Variants in ASIC2 observed in about 807,000 individuals in gnomAD.
ASIC2 encodes the protein acid-sensing ion channel 2.
ASIC2 carries 25 observed loss-of-function variants against 57.3 expected under a neutral mutation model. The observed-to-expected ratio is 0.44, with a 90% CI of 0.32 to 0.61. The LOEUF is 0.61. ASIC2 is among the 20% of genes least tolerant of loss of function. The pLI is 0.06. For synonymous variants in ASIC2, 319 were observed against 307.5 expected, an observed-to-expected ratio of 1.04 and a Z score of -0.39; for missense variants, 641 against 738.1, an observed-to-expected ratio of 0.87 and a Z score of 1.52.
intron 1 of ASIC2, among the ~76,000 whole-genome samples, chr17:33,620,840 TTC>T (rs1180013722): frequency 6.6e-6 from 1 of 152,100 alleles, no homozygotes; most frequent in Non-Finnish European, 1.5e-5. Flanking sequence ...TGTGAATCAA[TTC>T]TATGCCCATT....
chr17:33,659,920 T>A (rs1046941397), intron 1 of ASIC2, among the ~76,000 whole-genome samples: 6 of 137,858 alleles, frequency 4.4e-5, no homozygotes, highest in Middle Eastern at 3.8e-3. Flanking sequence ...ATAAATAAAA[T>A]AAAAATAAAA....
At chr17:33,881,964 C>A (rs317357) in intron 1 of ASIC2, among the ~76,000 whole-genome samples, 1 of 152,024 alleles carries the variant, frequency 6.6e-6, no homozygotes, top group Admixed American at 6.6e-5. Flanking sequence ...CCCACATCTA[C>A]AACCATCTGA....
At chr17:33,523,138 T>C (rs2141956290) in intron 1 of ASIC2, among the ~76,000 whole-genome samples, 1 of 152,364 alleles carries the variant, frequency 6.6e-6, no homozygotes, top group East Asian at 1.9e-4. Context: ...AGGACCCTAG[T>C]TCTGAGGTCA....
At chr17:33,149,971 A>G (rs1904721258) in intron 1 of ASIC2, among the ~76,000 whole-genome samples, 1 of 152,180 alleles carries the variant, frequency 6.6e-6, no homozygotes, top group African/African-American at 2.4e-5. Context: ...GTTCATAACA[A>G]TGAATTGGGT....
chr17:33,985,559 A>C (rs939455304), intron 1 of ASIC2, among the ~76,000 whole-genome samples: 1 of 152,216 alleles, frequency 6.6e-6, no homozygotes, highest in Non-Finnish European at 1.5e-5. Context: ...CAGAGGCAAA[A>C]TGTTTGGGAC....
chr17:33,938,997 C>G (rs1567762197), intron 1 of ASIC2, among the ~76,000 whole-genome samples: 1 of 152,212 alleles, frequency 6.6e-6, no homozygotes, highest in Admixed American at 6.5e-5. Context: ...CTTCTGTGGG[C>G]ACTGCCCGGG....
At chr17:33,999,426 G>C (rs2142014346) in intron 1 of ASIC2, among the ~76,000 whole-genome samples, 1 of 152,166 alleles carries the variant, frequency 6.6e-6, no homozygotes, top group Admixed American at 6.5e-5. Flanking sequence ...TTGTTTTGTA[G>C]TTTCTTTGTT....
At chr17:33,079,540 T>C (rs967793423) in intron 3 of ASIC2, among the ~76,000 whole-genome samples, 5 of 152,090 alleles carry the variant, frequency 3.3e-5, no homozygotes, top group Admixed American at 6.5e-5. Flanking sequence ...GACTTCATCC[T>C]GTGGTTCATG....
intron 7 of ASIC2, among the ~76,000 whole-genome samples, chr17:33,020,369 G>A (rs1038767041): frequency 2.6e-5 from 4 of 152,204 alleles, no homozygotes; most frequent in African/African-American, 9.7e-5. Context: ...CTCATAGCTG[G>A]TGTGAGAAGC....
At chr17:33,453,382 A>G (rs1912335954) in intron 1 of ASIC2, among the ~76,000 whole-genome samples, 1 of 151,504 alleles carries the variant, frequency 6.6e-6, no homozygotes. Flanking sequence ...TCTCCTACAT[A>G]TTTTTCTAAG....
chr17:33,620,551 G>A (rs1905759684), intron 1 of ASIC2, among the ~76,000 whole-genome samples: 1 of 152,202 alleles, frequency 6.6e-6, no homozygotes, highest in East Asian at 1.9e-4. Context: ...GACAGCCTGT[G>A]AGAAGTGAAA....
In ASIC2 at chr17:33,691,535, T is replaced by C. The variant is rs1908367912; in HGVS notation, c.555+464443A>G. On this transcript the variant is annotated intron_variant, in intron 1 of 9. Transcript: ENST00000359872. The stretch of plus-strand genomic sequence containing the variant: ...ATATTTTCTTTCTATGAGCTGTAGT[T>C]ATTTCCTTTGCCCATTTTTGAGGAT... 2.0e-5 allele frequency among the ~76,000 whole-genome samples: 3 copies of C among 152,250 alleles called. No individual in the cohort carries two copies. The South Asian group carries it at 6.2e-4, about 32-fold the overall frequency.
At chr17:33,136,790 T>C (rs1270225026) in intron 1 of ASIC2, among the ~76,000 whole-genome samples, 2 of 152,198 alleles carry the variant, frequency 1.3e-5, no homozygotes, top group South Asian at 2.1e-4. Context: ...ATTGTTGGGA[T>C]AGATGGAGAA....
At chr17:33,999,639 TC>T (rs1389218521) in intron 1 of ASIC2, among the ~76,000 whole-genome samples, 3 of 152,186 alleles carry the variant, frequency 2.0e-5, no homozygotes, top group Non-Finnish European at 4.4e-5. Context: ...ATACAAAAAT[TC>T]TTCACTTTGG....
chr17:33,550,608 A>G (rs1794084564), intron 1 of ASIC2, among the ~76,000 whole-genome samples: 2 of 152,234 alleles, frequency 1.3e-5, no homozygotes, highest in African/African-American at 4.8e-5. Flanking sequence ...TATATCACCT[A>G]CTGGCTACTA....
At chr17:33,624,885 A>G (rs567014679) in intron 1 of ASIC2, among the ~76,000 whole-genome samples, 3 of 152,318 alleles carry the variant, frequency 2.0e-5, no homozygotes, top group East Asian at 3.9e-4. Context: ...AGAACATTCT[A>G]TATGTCAAGA....
intron 1 of ASIC2, among the ~76,000 whole-genome samples, chr17:34,015,097 C>T (rs1248458579): frequency 3.3e-5 from 4 of 122,466 alleles, no homozygotes; most frequent in Non-Finnish European, 5.0e-5. Context: ...TTTGTAGATA[C>T]GGGGCTTTGT....
rs79858145 is a variant in ASIC2, at chr17:33,032,294, T to G, written c.988-3902A>C. On this transcript the variant is annotated intron_variant, in intron 3 of 9. Coordinates refer to ENST00000225823, the MANE Select transcript of ASIC2 (RefSeq NM_183377.2). ...TATAGCTCTGTATTATTATTCTTAG[T>G]TGTTGCTCCAGGATTTACAATATTC... Among the ~76,000 whole-genome samples, 115 of 152,290 alleles carry G rather than the reference T, an allele frequency of 7.6e-4. No homozygotes were observed. In the East Asian group the frequency reaches 0.02, roughly 27 times the overall value.
At chr17:33,031,109 A>T (rs1032791858) in intron 3 of ASIC2, among the ~76,000 whole-genome samples, 2 of 152,102 alleles carry the variant, frequency 1.3e-5, no homozygotes, top group Non-Finnish European at 2.9e-5. Flanking sequence ...TGTTTGATAG[A>T]ATTTGCCAGT....
Sources: allele counts gnomAD v4.1 joint callset (sites outside exome capture counted in the v4.1 genomes callset), GRCh38; gene constraint gnomAD v4.1.1; transcripts MANE v1.5; gene names NCBI Gene and HGNC (gene_info 2026-07-23, HGNC 2026-07-21).